The following PAX7 variants were observed in gnomAD, a reference collection of about 807,000 sequenced individuals.
The protein encoded by PAX7 is paired box 7, also known as paired box protein Pax-7.
In PAX7, 18 loss-of-function variants were observed where a neutral mutation model predicts 50.7. That is an observed-to-expected ratio of 0.36 (90% confidence interval 0.25 to 0.53). The LOEUF (loss-of-function observed/expected upper bound fraction) is 0.53, where lower values mean the gene tolerates loss of function less well. Among genes scored for constraint, PAX7 ranks in the 20% least tolerant of loss-of-function variants. PAX7 has a pLI of 0.93. For missense variants in PAX7, 644 were observed against 702.9 expected, an observed-to-expected ratio of 0.92 and a Z score of 0.95; for synonymous variants, 310 against 290.4, an observed-to-expected ratio of 1.07 and a Z score of -0.69.
intron 4 of PAX7, among the ~76,000 whole-genome samples, chr1:18,677,988 A>C (rs2088847271): frequency 6.6e-6 from 1 of 151,886 alleles, no homozygotes; most frequent in Non-Finnish European, 1.5e-5. Context: ...AGGCTGAGGC[A>C]GGAGAAATGC....
intron 7 of PAX7, among the ~76,000 whole-genome samples, chr1:18,730,121 G>T (rs141626419): frequency 8.5e-5 from 13 of 152,242 alleles, no homozygotes; most frequent in Middle Eastern, 3.4e-3. Context: ...AACTAACAAT[G>T]CACCAGGCAT....
Position 18,700,836 on chromosome 1 carries a change from G to A in PAX7, c.952+18G>A, listed in dbSNP as rs368900743. 32 of 1,423,176 alleles carry A rather than the reference G, an allele frequency of 2.2e-5. No individual in the cohort carries two copies. The Middle Eastern group carries it at 1.3e-3, about 58-fold the overall frequency. The allele number at this position is 1,423,176 out of a possible 1,614,324, so 88.2% of individuals were successfully genotyped here. On this transcript the variant is annotated intron_variant, in intron 6 of 8. Coordinates refer to ENST00000420770, the MANE Select transcript of PAX7 (RefSeq NM_001135254.2). The surrounding 1 kb of genome is among the most constrained non-coding windows in gnomAD (Gnocchi z 4.8). ...CTCCCAAGGTGAGTGTCTTGGCCCC[G>A]TCCTGCCATCTCAGTGGTGCCCCTT...
In PAX7 at chr1:18,709,457, G is replaced by A. The variant is rs576096340; in HGVS notation, c.1155+6161G>A. Among the ~76,000 whole-genome samples the A allele has an allele frequency of 6.6e-5, 10 of 152,236 alleles. No individual in the cohort carries two copies. The South Asian group carries it at 1.9e-3, about 28-fold the overall frequency. ...CAGTTAACCACACAACCACGATCAC[G>A]GCCAACCAGCCTTTCTGTCCTTTCC... On this transcript the variant is annotated intron_variant, in intron 7 of 8. Transcript: ENST00000420770.
intron 4 of PAX7, among the ~76,000 whole-genome samples, chr1:18,680,626 CTCT>C (rs753464837): frequency 6.6e-6 from 1 of 152,196 alleles, no homozygotes; most frequent in Non-Finnish European, 1.5e-5. Context: ...ACTGCCTCTA[CTCT>C]TCTCACCTCT....
intron 7 of PAX7, among the ~76,000 whole-genome samples, chr1:18,723,573 A>G (rs1025864602): frequency 2.6e-5 from 4 of 152,268 alleles, no homozygotes; most frequent in Non-Finnish European, 1.5e-5. Context: ...GGTCAAGACC[A>G]GGAGATAGCC....
chr1:18,676,121 A>G (rs879852422), intron 4 of PAX7, among the ~76,000 whole-genome samples: 8 of 152,180 alleles, frequency 5.3e-5, no homozygotes, highest in Non-Finnish European at 7.3e-5. Context: ...AAAAATCACC[A>G]TTAGAGTACG....
chr1:18,721,058 T>G (rs1012361351), intron 7 of PAX7, among the ~76,000 whole-genome samples: 2 of 152,062 alleles, frequency 1.3e-5, no homozygotes, highest in East Asian at 3.9e-4. Context: ...TCCCTTTCTC[T>G]CCCAGCCTAG....
intron 7 of PAX7, among the ~76,000 whole-genome samples, chr1:18,708,559 T>C (rs2089312297): frequency 6.6e-6 from 1 of 151,772 alleles, no homozygotes; most frequent in Non-Finnish European, 1.5e-5. Flanking sequence ...TGTCTCAAAA[T>C]TAATTAATTA....
In PAX7 at chr1:18,691,806, G is replaced by A. The variant is rs772683022; in HGVS notation, c.639G>A (p.Leu213=). 10 of 1,609,246 alleles carry A rather than the reference G, an allele frequency of 6.2e-6. No individual in the cohort carries two copies. In the East Asian group the frequency reaches 2.2e-4, roughly 36 times the overall value. Residue 213 remains leucine, a synonymous_variant, in exon 5 of 9, where the codon CTG becomes CTA. Coordinates refer to ENST00000420770, the MANE Select transcript of PAX7 (RefSeq NM_001135254.2). ...TGGAGTCGGAACCTGACCTCCCACT[G>A]AAGCGCAAGCAGCGACGCAGTCGGA... ...SDVESEPDLP[L]KRKQRRSRTT... is the part of the protein sequence containing the mutation.
intron 8 of PAX7, among the ~76,000 whole-genome samples, chr1:18,738,633 C>T (rs1930939668): frequency 6.6e-6 from 1 of 151,910 alleles, no homozygotes; most frequent in Non-Finnish European, 1.5e-5. Context: ...CCCCTGCTGC[C>T]CTGGCTTCTC....
chr1:18,672,597 T>TTTG (rs2088767019), intron 4 of PAX7, among the ~76,000 whole-genome samples: 1 of 108,196 alleles, frequency 9.2e-6, no homozygotes, highest in South Asian at 3.7e-4. Context: ...GAGCACTGTG[T>TTTG]TTTTTTTTTT....
Position 18,735,900 on chromosome 1 carries a change from C to G in PAX7, c.1402+22C>G. The stretch of plus-strand genomic sequence containing the variant: ...CAGAGTGAGTGCCTGGTGCCCTGGG[C>G]GTCCCCCGTCCCCATTCCTTCTCCC... On this transcript the variant is annotated intron_variant, in intron 8 of 8. Coordinates refer to ENST00000420770, the MANE Select transcript of PAX7 (RefSeq NM_001135254.2). The surrounding 1 kb of genome is among the most constrained non-coding windows in gnomAD (Gnocchi z 4.0). 1 of 1,614,002 alleles carries G rather than the reference C, an allele frequency of 6.2e-7. No homozygotes were observed. The highest frequency in any genetic ancestry group is 8.5e-7 in the Non-Finnish European group (1 of 1,179,996).
chr1:18,686,889 TA>T (rs1268055508), intron 4 of PAX7, among the ~76,000 whole-genome samples: 449 of 23,968 alleles, frequency 0.019, 1 homozygote, highest in African/African-American at 0.11. Context: ...TTTATTTTAT[TA>T]TTATTATTAT....
intron 5 of PAX7, among the ~76,000 whole-genome samples, chr1:18,698,581 C>A (rs2089177614): frequency 6.6e-6 from 1 of 152,194 alleles, no homozygotes. Context: ...GTTTGGGAAA[C>A]ACTGAATTAG....
chr1:18,698,673 C>A lies in PAX7; in HGVS notation c.787-1980C>A, dbSNP rs2089178603. ...TTCCTTGCAGGGCTCCCTCCAGCAT[C>A]CCTGCCACTCCAGGGTGCCCCGGGG... is the stretch of plus-strand genomic sequence containing the variant. On this transcript the variant is annotated intron_variant, in intron 5 of 8. Transcript: ENST00000420770. Among the ~76,000 whole-genome samples, 6 of 152,358 alleles carry A rather than the reference C, an allele frequency of 3.9e-5. No homozygotes were observed. In the South Asian group the frequency reaches 1.2e-3, roughly 32 times the overall value.
At chr1:18,716,730 A>C (rs1439019665) in intron 7 of PAX7, among the ~76,000 whole-genome samples, 3 of 151,178 alleles carry the variant, frequency 2.0e-5, no homozygotes, top group Non-Finnish European at 4.4e-5. Flanking sequence ...CTCCTCCCAT[A>C]GCTGGCCTCG....
In PAX7 at chr1:18,747,553, C is replaced by A. The variant is rs1396525565; in HGVS notation, c.*2624C>A. On this transcript the variant is annotated 3_prime_UTR_variant, in exon 9 of 9. Transcript: ENST00000420770. Reference sequence around the variant, plus strand: ...GAGAGGTGATGTTGAATGAGAGACACAAGGCCTCCATCTCTTTGGGGCTGA... The same window carrying A: ...GAGAGGTGATGTTGAATGAGAGACAAAAGGCCTCCATCTCTTTGGGGCTGA... 6 of 213,340 alleles carry A rather than the reference C, an allele frequency of 2.8e-5. No individual in the cohort carries two copies. The highest frequency in any genetic ancestry group is 5.7e-5 in the Non-Finnish European group (6 of 105,396). 13.2% of individuals were successfully genotyped at this position (213,340 alleles called of 1,614,324 possible).
intron 4 of PAX7, among the ~76,000 whole-genome samples, chr1:18,651,035 C>T (rs763988507): frequency 1.3e-5 from 2 of 152,090 alleles, no homozygotes; most frequent in Non-Finnish European, 2.9e-5. Context: ...CTTCAGTGCA[C>T]GGAAGGACCC....
chr1:18,718,395 T>C (rs1326627772), intron 7 of PAX7, among the ~76,000 whole-genome samples: 1 of 152,080 alleles, frequency 6.6e-6, no homozygotes, highest in Non-Finnish European at 1.5e-5. Context: ...AAAATCTCAA[T>C]TTGCAGACTC....
Sources: allele counts gnomAD v4.1 joint callset (sites outside exome capture counted in the v4.1 genomes callset), GRCh38; gene constraint gnomAD v4.1.1; non-coding constraint Gnocchi (gnomAD v3.1); transcripts MANE v1.5; gene names NCBI Gene and HGNC (gene_info 2026-07-23, HGNC 2026-07-21).